PCCA: variants seen among roughly 807,000 people sequenced by gnomAD.
PCCA encodes propionyl-CoA carboxylase subunit alpha.
A neutral mutation model predicts 101.3 loss-of-function variants in PCCA; 74 were observed. The observed-to-expected ratio is 0.73, with a 90% CI of 0.61 to 0.89. PCCA has a LOEUF of 0.89. Ranked by LOEUF, PCCA falls within the 40% of genes least tolerant of loss-of-function variation. The pLI is 0.00. For synonymous variants in PCCA, 294 were observed against 313.6 expected, an observed-to-expected ratio of 0.94 and a Z score of 0.66; for missense variants, 891 against 907.0, an observed-to-expected ratio of 0.98 and a Z score of 0.23.
intron 21 of PCCA, among the ~76,000 whole-genome samples, chr13:100,470,192 T>G (rs1268055583): frequency 6.6e-6 from 1 of 152,190 alleles, no homozygotes; most frequent in Non-Finnish European, 1.5e-5. Flanking sequence ...ATCCGCCAGC[T>G]GAACTAGACC....
intron 18 of PCCA, among the ~76,000 whole-genome samples, chr13:100,364,773 T>C (rs1567009474): frequency 6.6e-6 from 1 of 152,182 alleles, no homozygotes; most frequent in East Asian, 1.9e-4. Flanking sequence ...AGAAAAAGGC[T>C]GGGTACTGTG....
chr13:100,506,266 GTCC>G (rs1566476506), intron 21 of PCCA, among the ~76,000 whole-genome samples: 1 of 151,826 alleles, frequency 6.6e-6, no homozygotes, highest in East Asian at 1.9e-4. Context: ...GGTGCCAGCA[GTCC>G]TCCTTGGCTC....
chr13:100,114,684 T>G (rs1476216174), intron 4 of PCCA, among the ~76,000 whole-genome samples: 1 of 152,148 alleles, frequency 6.6e-6, no homozygotes, highest in Non-Finnish European at 1.5e-5. Flanking sequence ...GTAAAGGTGC[T>G]CGACATTACT....
intron 6 of PCCA, chr13:100,161,032 A>C (rs1461234015): frequency 1.3e-5 from 2 of 152,318 alleles, no homozygotes; most frequent in African/African-American, 4.8e-5. Context: ...CAGGATGCTC[A>C]GCGTTGAAAG....
chr13:100,099,246 CA>C (rs1216853857), intron 1 of PCCA, among the ~76,000 whole-genome samples: 1 of 151,704 alleles, frequency 6.6e-6, no homozygotes, highest in Non-Finnish European at 1.5e-5. Context: ...AGATATTTGC[CA>C]GTGGATTTAC....
chr13:100,191,659 C>A (rs931349475), intron 6 of PCCA, among the ~76,000 whole-genome samples: 51 of 152,232 alleles, frequency 3.4e-4, no homozygotes, highest in African/African-American at 1.0e-3. Context: ...TAAAATCCTG[C>A]CCAACACTTG....
chr13:100,367,594 T>C (rs1438393013), intron 18 of PCCA, among the ~76,000 whole-genome samples: 1 of 151,908 alleles, frequency 6.6e-6, no homozygotes, highest in African/African-American at 2.4e-5. Flanking sequence ...GTTTTTTAAA[T>C]TTCGTGAATT....
At chr13:100,293,290 A>C (rs1279930819) in intron 12 of PCCA, 1 of 471,024 alleles carries the variant, frequency 2.1e-6, no homozygotes, top group Non-Finnish European at 4.4e-6. Flanking sequence ...TGAAGGCTAT[A>C]CACTCTAATC....
intron 20 of PCCA, among the ~76,000 whole-genome samples, chr13:100,430,684 A>G (rs1434433160): frequency 1.3e-5 from 2 of 152,036 alleles, no homozygotes; most frequent in Admixed American, 1.3e-4. Context: ...TTGTATGAAC[A>G]CCCTACTTCC....
At chr13:100,240,845 G>T (rs951086247) in intron 8 of PCCA, among the ~76,000 whole-genome samples, 1 of 152,034 alleles carries the variant, frequency 6.6e-6, no homozygotes, top group African/African-American at 2.4e-5. Flanking sequence ...TTCAGTATTT[G>T]TATACAGTTT....
chr13:100,230,539 CAAA>C (rs112076583), intron 7 of PCCA, among the ~76,000 whole-genome samples: 3 of 121,820 alleles, frequency 2.5e-5, no homozygotes, highest in African/African-American at 3.0e-5. Flanking sequence ...ACTCCCATCT[CAAA>C]AAAAAAAAAA....
At chr13:100,463,379 CAAAG>C (rs1444562127) in intron 21 of PCCA, among the ~76,000 whole-genome samples, 6 of 120,056 alleles carry the variant, frequency 5.0e-5, no homozygotes, top group South Asian at 2.8e-4. Flanking sequence ...TGGGAGTAGG[CAAAG>C]AAAGAAGAGG....
chr13:100,374,767 A>G (rs2075796301), intron 19 of PCCA, among the ~76,000 whole-genome samples: 1 of 152,214 alleles, frequency 6.6e-6, no homozygotes, highest in Non-Finnish European at 1.5e-5. Context: ...CTAATAAACT[A>G]GAAAGCAATT....
intron 7 of PCCA, among the ~76,000 whole-genome samples, chr13:100,215,135 T>C (rs977069376): frequency 1.2e-4 from 19 of 152,228 alleles, no homozygotes; most frequent in African/African-American, 4.6e-4. Context: ...ATTGTTTAGG[T>C]CTTGGCTTAA....
At chr13:100,444,827 T>A (rs2080692694) in intron 20 of PCCA, among the ~76,000 whole-genome samples, 2 of 151,176 alleles carry the variant, frequency 1.3e-5, no homozygotes, top group African/African-American at 4.9e-5. Context: ...TTCCCAGCTG[T>A]TTTTCAGTTT....
At chr13:100,189,054 C>T (rs2057543134) in intron 6 of PCCA, among the ~76,000 whole-genome samples, 1 of 152,088 alleles carries the variant, frequency 6.6e-6, no homozygotes, top group African/African-American at 2.4e-5. Flanking sequence ...CACCCCCTGA[C>T]AGGCCCCGGT....
At chr13:100,521,526 G>A (rs2087294198) in intron 22 of PCCA, among the ~76,000 whole-genome samples, 1 of 152,180 alleles carries the variant, frequency 6.6e-6, no homozygotes, top group African/African-American at 2.4e-5. Context: ...TCCCCGTCTC[G>A]CTTTACATGA....
At chr13:100,498,845 C>T (rs2152986903) in intron 21 of PCCA, among the ~76,000 whole-genome samples, 1 of 152,180 alleles carries the variant, frequency 6.6e-6, no homozygotes, top group South Asian at 2.1e-4. Context: ...GTGATATTTC[C>T]TGGGGTGGAG....
intron 21 of PCCA, among the ~76,000 whole-genome samples, chr13:100,451,878 TC>T (rs1310427644): frequency 3.7e-4 from 1 of 2,674 alleles, no homozygotes; most frequent in African/African-American, 1.2e-3. Context: ...TCTCTCCTCT[TC>T]CTCTCCTCTC....
Sources: gnomAD v4.1 joint callset for allele counts (sites outside exome capture counted in the v4.1 genomes callset) on GRCh38, gnomAD v4.1.1 for gene constraint, MANE v1.5 for transcripts, NCBI Gene and HGNC (gene_info 2026-07-23, HGNC 2026-07-21) for gene names.